Variants in ANPEP observed in about 807,000 individuals in gnomAD.
The protein encoded by ANPEP is aminopeptidase N.
A neutral mutation model predicts 114.6 loss-of-function variants in ANPEP; 70 were observed. That is an observed-to-expected ratio of 0.61 (90% confidence interval 0.50 to 0.75). ANPEP has a LOEUF of 0.75. Among genes scored for constraint, ANPEP ranks in the 30% least tolerant of loss-of-function variants. ANPEP has a pLI of 0.00. For missense variants in ANPEP, 1,184 were observed against 1,259.5 expected, an observed-to-expected ratio of 0.94 and a Z score of 0.91; for synonymous variants, 548 against 522.3, an observed-to-expected ratio of 1.05 and a Z score of -0.67.
At chr15:89,791,210 C>T (rs1237090434) in intron 18 of ANPEP, 117 bp from the exon 19 acceptor site, 1 of 1,241,392 alleles carries the variant, frequency 8.1e-7, no homozygotes, top group East Asian at 2.4e-5. Flanking sequence ...CTCGGCCTGC[C>T]AGGGGCTGAG....
At position 89,806,330 on chromosome 15, in the gene ANPEP, T is replaced by C. The variant is rs757695498; in HGVS notation, c.254A>G (p.Tyr85Cys). ...RLPNTLKPDS[Y>C]RVTLRPYLTP... ...GAGGTACGGTCTCAGCGTCACCCGG[T>C]AGGAATCGGGTTTCAGCGTGTTGGG... The change falls in exon 2 of 21, where the codon TAC (tyrosine) becomes TGC (cysteine). Residue 85 changes from tyrosine to cysteine, a missense_variant. Tyr to Cys is a radical substitution (Grantham distance 194). Coordinates refer to ENST00000300060, the MANE Select transcript of ANPEP (RefSeq NM_001150.3). This position sits in a 1 kb window ranked among gnomAD's most constrained non-coding sequence, Gnocchi z 5.7. 6 of 1,614,084 alleles carry C rather than the reference T, an allele frequency of 3.7e-6. No homozygotes were observed. Among genetic ancestry groups the C allele is most frequent in the Non-Finnish European group, 5.1e-6 (6 of 1,179,992 alleles).
Position 89,797,720 on chromosome 15 carries a change from G to A in ANPEP, c.2012C>T (p.Ala671Val), listed in dbSNP as rs1466733414. ...IINDAFNLAS[A>V]HKVPVTLALN... ...CGCCAGAGTGACAGGGACCTTATGG[G>A]CACTGGGAATAAACAGAGGGGCCCA... Residue 671 changes from alanine (A) to valine (V), a missense_variant and splice_region_variant, in exon 15 of 21, where the codon GCC becomes GTC. By Grantham distance (64) the Ala-to-Val change is moderately conservative. Transcript: ENST00000300060. 1.4e-5 allele frequency: 22 copies of A among 1,613,894 alleles called. No homozygotes were observed. Among genetic ancestry groups the A allele is most frequent in the Non-Finnish European group, 1.7e-5 (20 of 1,179,996 alleles).
intron 1 of ANPEP, among the ~76,000 whole-genome samples, chr15:89,809,777 G>A (rs1405473383): frequency 6.6e-6 from 1 of 152,262 alleles, no homozygotes; most frequent in Non-Finnish European, 1.5e-5. Context: ...AACCTGCAGA[G>A]TGAAACCTTA....
chr15:89,803,675 T>C lies in ANPEP; in HGVS notation c.1409A>G (p.Glu470Gly). 1 of 1,612,962 alleles carries C rather than the reference T, an allele frequency of 6.2e-7. No homozygotes were observed. The highest frequency in any genetic ancestry group is 2.2e-5 in the East Asian group (1 of 44,852). ...GCTGTAGGAGATGGCGTCAAACAGCTCACTGATCTGGGCCGGCGTGTTGAT... is the reference window on the plus strand; with the variant it reads ...GCTGTAGGAGATGGCGTCAAACAGCCCACTGATCTGGGCCGGCGTGTTGAT... Reference protein sequence around the residue: ...SEINTPAQISELFDAISYSKG... With the variant: ...SEINTPAQISGLFDAISYSKG... Residue 470 changes from glutamate (E) to glycine (G), a missense_variant, in exon 8 of 21, where the codon GAG (glutamate) becomes GGG (glycine). By Grantham distance (98) the Glu-to-Gly change is moderately conservative (BLOSUM62 -2). Transcript: ENST00000300060. The surrounding 1 kb of genome is among the most constrained non-coding windows in gnomAD (Gnocchi z 4.2).
chr15:89,811,182 A>G (rs1894809337), intron 1 of ANPEP, among the ~76,000 whole-genome samples: 2 of 152,214 alleles, frequency 1.3e-5, no homozygotes, highest in Admixed American at 6.5e-5. Context: ...TCTACCCGAC[A>G]TTCCTTCCTG....
chr15:89,813,991 T>TGGTGG (rs1555442936), intron 1 of ANPEP, among the ~76,000 whole-genome samples: 1 of 111,710 alleles, frequency 9.0e-6, no homozygotes, highest in African/African-American at 4.3e-5. Flanking sequence ...ACCGCACTGC[T>TGGTGG]GGGGGGGGGG....
intron 6 of ANPEP, 121 bp from the exon 7 acceptor site, chr15:89,804,123 A>T (rs375414742): frequency 3.9e-6 from 6 of 1,545,020 alleles, no homozygotes; most frequent in Non-Finnish European, 5.3e-6. Context: ...CACCATCGTG[A>T]CCCCTTCCTG....
At chr15:89,807,942 C>T (rs1241819764) in intron 1 of ANPEP, among the ~76,000 whole-genome samples, 2 of 152,316 alleles carry the variant, frequency 1.3e-5, no homozygotes, top group African/African-American at 2.4e-5. Flanking sequence ...TTGGTCAAAA[C>T]CATTCTCATC....
At chr15:89,802,041 G>C (rs922682717) in intron 10 of ANPEP, among the ~76,000 whole-genome samples, 7 of 152,138 alleles carry the variant, frequency 4.6e-5, no homozygotes, top group African/African-American at 1.7e-4. Flanking sequence ...GGTGTGGGGC[G>C]GGACTCAGGG....
chr15:89,807,980 T>TG (rs1437520130), intron 1 of ANPEP, among the ~76,000 whole-genome samples: 7 of 152,152 alleles, frequency 4.6e-5, no homozygotes, highest in African/African-American at 1.7e-4. Context: ...AGCGCCCCTA[T>TG]GGACTCCCTG....
rs893466483 is a variant in ANPEP at position 89,806,647 on chromosome 15, C to T, written c.-64G>A. 24 of 1,476,378 alleles carry T rather than the reference C, an allele frequency of 1.6e-5. No individual in the cohort carries two copies. Among genetic ancestry groups the T allele is most frequent in the Admixed American group, 5.1e-5 (2 of 39,434 alleles). 91.5% of individuals were successfully genotyped at this position (1,476,378 alleles called of 1,614,324 possible). ...GGCAGAGAACGGAGCAGCCCCAGGC[C>T]GGGCTTATATCCCCAAAGGGGAGGA... On this transcript the variant is annotated 5_prime_UTR_variant, in exon 2 of 21. Transcript: ENST00000300060. This position sits in a 1 kb window ranked among gnomAD's most constrained non-coding sequence, Gnocchi z 5.7.
In ANPEP at chr15:89,799,181, G is replaced by A. The variant is rs1181062488; in HGVS notation, c.2009+79C>T. The stretch of plus-strand genomic sequence containing the variant: ...TGGCATATGGGAAGGGCAGCAGGAG[G>A]AGCAGGGGCCCTCATTGTGGACTCA... On this transcript the variant is annotated intron_variant, in intron 14 of 20. Transcript: ENST00000300060. The surrounding 1 kb of genome is among the most constrained non-coding windows in gnomAD (Gnocchi z 4.2). 29 of 1,539,292 alleles carry A rather than the reference G, an allele frequency of 1.9e-5. No individual in the cohort carries two copies. The East Asian group carries it at 5.9e-4, about 31-fold the overall frequency.
intron 16 of ANPEP, 87 bp from the exon 17 acceptor site, chr15:89,792,649 T>G: frequency 1.7e-6 from 2 of 1,187,870 alleles, no homozygotes; most frequent in Non-Finnish European, 2.4e-6. Flanking sequence ...GCCGGCACCC[T>G]GCCTAAGGCT....
intron 15 of ANPEP, 154 bp downstream of exon 15, chr15:89,797,398 GCGTGCTCTCAGGAGAGAACCTGA>G: frequency 1.1e-6 from 1 of 915,344 alleles, no homozygotes; most frequent in Non-Finnish European, 1.6e-6. Flanking sequence ...TCTTTCACCT[GCGTGCTCTCAGGAGAGAACCTGA>G]CAAGGCAATC....
intron 20 of ANPEP, among the ~76,000 whole-genome samples, chr15:89,789,431 G>C (rs1968572203): frequency 6.6e-6 from 1 of 152,116 alleles, no homozygotes; most frequent in Non-Finnish European, 1.5e-5. Context: ...ATAGTAAGAA[G>C]ATAATCATTT....
chr15:89,791,393 C>T (rs1028055215), intron 18 of ANPEP, among the ~76,000 whole-genome samples: 5 of 151,910 alleles, frequency 3.3e-5, no homozygotes, highest in African/African-American at 1.2e-4. Context: ...TGGTCACTCC[C>T]GTCTTTGACA....
At chr15:89,789,646 G>A (rs1191213129) in intron 20 of ANPEP, among the ~76,000 whole-genome samples, 1 of 151,776 alleles carries the variant, frequency 6.6e-6, no homozygotes, top group Non-Finnish European at 1.5e-5. Flanking sequence ...GGGGGCGCAT[G>A]CCTGTAATCC....
At chr15:89,811,280 A>G (rs1476732405) in intron 1 of ANPEP, among the ~76,000 whole-genome samples, 1 of 152,170 alleles carries the variant, frequency 6.6e-6, no homozygotes, top group African/African-American at 2.4e-5. Context: ...TCACTTTCTT[A>G]GCCTCCTTCT....
chr15:89,799,169 G>T lies in ANPEP; in HGVS notation c.2009+91C>A. The T allele has an allele frequency of 6.8e-7, 1 of 1,470,784 alleles. No homozygotes were observed. Among genetic ancestry groups the T allele is most frequent in the Non-Finnish European group, 9.5e-7 (1 of 1,054,994 alleles). 91.1% of individuals were successfully genotyped at this position (1,470,784 alleles called of 1,614,324 possible). ...GGGCACAGCACGTGGCATATGGGAAGGGCAGCAGGAGGAGCAGGGGCCCTC... is the reference window on the plus strand; with the variant it reads ...GGGCACAGCACGTGGCATATGGGAATGGCAGCAGGAGGAGCAGGGGCCCTC... On this transcript the variant is annotated intron_variant, in intron 14 of 20. Coordinates refer to ENST00000300060, the MANE Select transcript of ANPEP (RefSeq NM_001150.3). This position sits in a 1 kb window ranked among gnomAD's most constrained non-coding sequence, Gnocchi z 4.2.
Sources: allele counts gnomAD v4.1 joint callset (sites outside exome capture counted in the v4.1 genomes callset), GRCh38; gene constraint gnomAD v4.1.1; non-coding constraint Gnocchi (gnomAD v3.1); transcripts MANE v1.5; gene names NCBI Gene and HGNC (gene_info 2026-07-23, HGNC 2026-07-21).